The following MYO15A variants were observed in gnomAD, a reference collection of about 807,000 sequenced individuals.
The protein encoded by MYO15A is myosin XVA, also known as unconventional myosin-XV.
In MYO15A, 308 loss-of-function variants were observed where a neutral mutation model predicts 394.6. The ratio of observed to expected loss-of-function variants is 0.78; its 90% CI spans 0.71 to 0.86. The LOEUF (loss-of-function observed/expected upper bound fraction) is 0.86, where lower values mean the gene tolerates loss of function less well. Among genes scored for constraint, MYO15A ranks in the 40% least tolerant of loss-of-function variants. MYO15A has a pLI of 0.00. For synonymous variants in MYO15A, 1,957 were observed against 2,003.8 expected (o/e 0.98, Z 0.62); for missense variants, 4,606 against 4,799.1 (o/e 0.96, Z 1.19).
intron 64 of MYO15A, 40 bp downstream of exon 64, chr17:18,172,330 G>C (rs201684899): frequency 2.7e-4 from 428 of 1,613,832 alleles, no homozygotes; most frequent in Non-Finnish European, 3.3e-4. Context: ...GCCACCCTCT[G>C]TTCCCTGGTC....
chr17:18,159,877 G>C, intron 55 of MYO15A, 58 bp from the exon 56 acceptor site: 4 of 1,581,026 alleles, frequency 2.5e-6, no homozygotes, highest in Admixed American at 1.7e-5. Context: ...TTATGTACCT[G>C]GTATATGACA....
At chr17:18,155,469 T>C in intron 47 of MYO15A, 37 bp downstream of exon 47, 1 of 1,556,892 alleles carries the variant, frequency 6.4e-7, no homozygotes, top group Non-Finnish European at 8.8e-7. Context: ...GGCTGGAGAC[T>C]GGGATACAGA....
At chr17:18,128,228 G>A (rs1044564803) in intron 7 of MYO15A, among the ~76,000 whole-genome samples, 7 of 152,130 alleles carry the variant, frequency 4.6e-5, no homozygotes, top group Non-Finnish European at 1.0e-4. Context: ...GGAGGAGCAG[G>A]TTTGTTGAGA....
chr17:18,122,202 C>T lies in MYO15A; in HGVS notation c.3402C>T (p.Thr1134=). 1.2e-6 allele frequency: 2 copies of T among 1,613,184 alleles called. No homozygotes were observed. The highest frequency in any genetic ancestry group is 1.7e-6 in the Non-Finnish European group (2 of 1,180,024). ...LSSFQRVGPA[T]LKPQVQPIQD... ...CTTTCCAGCGAGTTGGGCCTGCAAC[C>T]CTGAAGCCTCAAGTCCAGCCCATTC... Residue 1134 remains threonine (T), a synonymous_variant, in exon 2 of 66, where the codon ACC becomes ACT. Transcript: ENST00000647165.
intron 65 of MYO15A, among the ~76,000 whole-genome samples, chr17:18,174,639 C>T (rs186886811): frequency 2.2e-4 from 34 of 152,214 alleles, no homozygotes; most frequent in African/African-American, 7.5e-4. Flanking sequence ...GCATGGATGA[C>T]CTCTAGACTC....
In MYO15A at chr17:18,119,607, G is replaced by A; in HGVS notation, c.807G>A (p.Pro269=). The A allele has an allele frequency of 1.9e-6, 3 of 1,603,810 alleles. No individual in the cohort carries two copies. Among genetic ancestry groups the A allele is most frequent in the Non-Finnish European group, 2.5e-6 (3 of 1,179,908 alleles). ...PYLAGLGPYS[P]AWPPYGDHYY... Reference sequence around the variant, plus strand: ...TGGCGGGCCTCGGCCCCTACAGCCCGGCCTGGCCACCCTACGGCGACCACT... The same window carrying A: ...TGGCGGGCCTCGGCCCCTACAGCCCAGCCTGGCCACCCTACGGCGACCACT... The change falls in exon 2 of 66, where the codon CCG becomes CCA. Residue 269 remains proline, a synonymous_variant. Coordinates refer to ENST00000647165, the MANE Select transcript of MYO15A (RefSeq NM_016239.4).
In MYO15A at chr17:18,119,750, C is replaced by T. The variant is rs372516960; in HGVS notation, c.950C>T (p.Ala317Val). 72 of 1,612,770 alleles carry T rather than the reference C, an allele frequency of 4.5e-5. No individual in the cohort carries two copies. In the African/African-American group the frequency reaches 5.6e-4, roughly 13 times the overall value. The change falls in exon 2 of 66, where the codon GCG becomes GTG. Residue 317 changes from alanine to valine, a missense_variant. Physicochemically the swap from Ala to Val is moderately conservative, Grantham distance 64 (BLOSUM62 0). This residue lies in a region of MYO15A where 1,830 missense variants were observed against 1,689.7 expected (regional missense o/e 1.08). Coordinates refer to ENST00000647165, the MANE Select transcript of MYO15A (RefSeq NM_016239.4). ...YGYDDYEPPYAPPSGYSSPYS... is the reference protein window; with the variant it reads ...YGYDDYEPPYVPPSGYSSPYS... ...TACGACGATTACGAACCCCCATATGCGCCCCCGTCGGGGTACTCGTCTCCT... is the reference window on the plus strand; with the variant it reads ...TACGACGATTACGAACCCCCATATGTGCCCCCGTCGGGGTACTCGTCTCCT...
chr17:18,113,196 AG>A (rs1447082369), intron 1 of MYO15A, among the ~76,000 whole-genome samples: 1 of 152,052 alleles, frequency 6.6e-6, no homozygotes, highest in Non-Finnish European at 1.5e-5. Context: ...TCTGTGTCAG[AG>A]GCTGGAGTGC....
chr17:18,178,802 G>T lies in MYO15A; in HGVS notation c.10525G>T (p.Val3509Leu), dbSNP rs748619293. Residue 3509 changes from valine (V) to leucine (L), a missense_variant, in exon 66 of 66, where the codon GTG becomes TTG. By Grantham distance (32) the Val-to-Leu change is conservative (BLOSUM62 1). Around this residue, in one of 2 missense-constraint regions of MYO15A, gnomAD observed 2,776 missense variants for 3,109.3 expected, o/e 0.89. Transcript: ENST00000647165. ...ACTGTGTCGTGTGGTGGCCGTGCACGTGGAGAACCTGCTCAGTGCCCATGA... is the reference window on the plus strand; with the variant it reads ...ACTGTGTCGTGTGGTGGCCGTGCACTTGGAGAACCTGCTCAGTGCCCATGA... ...LELCRVVAVH[V>L]ENLLSAHEKR... is the part of the protein sequence containing the mutation. 9.9e-6 allele frequency: 16 copies of T among 1,613,876 alleles called. No homozygotes were observed. Among genetic ancestry groups the T allele is most frequent in the Non-Finnish European group, 1.2e-5 (14 of 1,180,030 alleles).
chr17:18,135,657 C>G (rs2046252552), intron 12 of MYO15A, 54 bp from the exon 13 acceptor site: 1 of 1,555,498 alleles, frequency 6.4e-7, no homozygotes, highest in Non-Finnish European at 8.8e-7. Context: ...TTCATATGAA[C>G]TTTAAATTTA....
chr17:18,176,037 T>A (rs1172873331), intron 65 of MYO15A, among the ~76,000 whole-genome samples: 1 of 152,178 alleles, frequency 6.6e-6, no homozygotes, highest in Non-Finnish European at 1.5e-5. Context: ...AGCACAAATA[T>A]CACCTTTTTC....
intron 1 of MYO15A, chr17:18,110,478 C>T (rs2045707452): frequency 6.6e-6 from 1 of 152,202 alleles, no homozygotes; most frequent in Admixed American, 6.5e-5. Context: ...GGAAGAGTAA[C>T]CACACCGACT....
chr17:18,150,087 G>A lies in MYO15A; in HGVS notation c.7213-342G>A, dbSNP rs151240320. On this transcript the variant is annotated intron_variant, in intron 35 of 65. Coordinates refer to ENST00000647165, the MANE Select transcript of MYO15A (RefSeq NM_016239.4). This position sits in a 1 kb window ranked among gnomAD's most constrained non-coding sequence, Gnocchi z 4.4. ...CGGGTCTTCTAGCCCCAGATCTCAC[G>A]AGACCCCTCAGGTACCCTTACTCAC... 9 of 380,996 alleles carry A rather than the reference G, an allele frequency of 2.4e-5. No individual in the cohort carries two copies. Among genetic ancestry groups the A allele is most frequent in the East Asian group, 1.2e-4 (2 of 16,792 alleles). 23.6% of individuals were successfully genotyped at this position (380,996 alleles called of 1,614,324 possible).
chr17:18,166,202 C>G (rs1160098492), intron 60 of MYO15A, among the ~76,000 whole-genome samples, 159 bp from the exon 61 acceptor site: 1 of 152,256 alleles, frequency 6.6e-6, no homozygotes, highest in Non-Finnish European at 1.5e-5. Flanking sequence ...GCATGCTCTC[C>G]TTTAATGAGG....
At chr17:18,133,704 G>T (rs1043143294) in intron 12 of MYO15A, among the ~76,000 whole-genome samples, 2 of 151,958 alleles carry the variant, frequency 1.3e-5, no homozygotes, top group African/African-American at 4.8e-5. Flanking sequence ...GTGCAATGGC[G>T]CAGTCTTGGC....
chr17:18,110,440 C>T (rs767608300), intron 1 of MYO15A: 5 of 152,264 alleles, frequency 3.3e-5, no homozygotes, highest in Non-Finnish European at 7.3e-5. Context: ...CATAACCTCT[C>T]TGGGCCCATG....
rs138890560 is a variant in MYO15A, at chr17:18,134,249, A to G, written c.4482+863A>G. ...GTGATCCGCCCACCTCGGCCTCCCA[A>G]AGTGCTGGGATTATAGCCGTGAGCC... On this transcript the variant is annotated intron_variant, in intron 12 of 65. Transcript: ENST00000647165. Among the ~76,000 whole-genome samples the G allele has an allele frequency of 8.2e-3, 1,255 of 152,186 alleles. 21 individuals carry two copies. The highest frequency in any genetic ancestry group is 0.028 in the African/African-American group (1,183 of 41,522).
At chr17:18,172,450 C>A in intron 64 of MYO15A, 160 bp downstream of exon 64, 1 of 1,156,134 alleles carries the variant, frequency 8.6e-7, no homozygotes, top group Non-Finnish European at 1.3e-6. Context: ...CCTTGCTTTC[C>A]TCATCTGGAA....
rs766977457 is a variant in MYO15A at position 18,125,156 on chromosome 17, G to T, written c.3693-12G>T. 3.1e-6 allele frequency: 5 copies of T among 1,614,024 alleles called. No homozygotes were observed. The highest frequency in any genetic ancestry group is 4.2e-6 in the Non-Finnish European group (5 of 1,179,914). On this transcript the variant is annotated splice_polypyrimidine_tract_variant and intron_variant, in intron 3 of 65. Transcript: ENST00000647165. ...CTGGGGGCACTGACGGCTTCTCTCT[G>T]TGTCCTTCTAGAGACCTCCAGGAAA... is the stretch of plus-strand genomic sequence containing the variant.
Sources: allele counts gnomAD v4.1 joint callset (sites outside exome capture counted in the v4.1 genomes callset), GRCh38; gene constraint gnomAD v4.1.1; regional missense constraint gnomAD v4.1.1; non-coding constraint Gnocchi (gnomAD v3.1); transcripts MANE v1.5; gene names NCBI Gene and HGNC (gene_info 2026-07-23, HGNC 2026-07-21).